The following SDK1 variants were observed in gnomAD, a reference collection of about 807,000 sequenced individuals.
The protein encoded by SDK1 is sidekick cell adhesion molecule 1.
In SDK1, 157 loss-of-function variants were observed where a neutral mutation model predicts 245.5. The observed-to-expected ratio is 0.64, with a 90% CI of 0.56 to 0.73. The LOEUF (loss-of-function observed/expected upper bound fraction) is 0.73, where lower values mean the gene tolerates loss of function less well. SDK1 is among the 30% of genes least tolerant of loss of function. The probability of loss-of-function intolerance (pLI) is 0.00; values close to 1 mark genes in which losing one functional copy is unlikely to be tolerated. For synonymous variants in SDK1, 1,647 were observed against 1,278.5 expected, an observed-to-expected ratio of 1.29 and a Z score of -6.15; for missense variants, 3,583 against 3,002.3, an observed-to-expected ratio of 1.19 and a Z score of -4.52.
chr7:3,601,760 T>G (rs906983663), intron 1 of SDK1, among the ~76,000 whole-genome samples: 9 of 151,886 alleles, frequency 5.9e-5, no homozygotes, highest in Admixed American at 1.3e-4. Context: ...ATGTGCCATG[T>G]TGGTGTGCTG....
chr7:3,805,269 G>C (rs1779213516), intron 4 of SDK1, among the ~76,000 whole-genome samples: 1 of 152,212 alleles, frequency 6.6e-6, no homozygotes, highest in African/African-American at 2.4e-5. Context: ...GAGTGTTGTT[G>C]TTACTGTTGC....
chr7:3,627,045 A>T (rs995115489), intron 2 of SDK1, among the ~76,000 whole-genome samples: 1 of 151,852 alleles, frequency 6.6e-6, no homozygotes, highest in Non-Finnish European at 1.5e-5. Context: ...CTCCCACCTC[A>T]GCTTCCCACG....
chr7:3,550,322 G>T (rs1017431030), intron 1 of SDK1, among the ~76,000 whole-genome samples: 2 of 152,008 alleles, frequency 1.3e-5, no homozygotes, highest in Non-Finnish European at 2.9e-5. Flanking sequence ...AGTCATTTGC[G>T]TTTTCTTCCC....
chr7:3,674,724 C>T (rs1460344996), intron 4 of SDK1, among the ~76,000 whole-genome samples: 1 of 152,100 alleles, frequency 6.6e-6, no homozygotes. Context: ...GTAGCTTTTT[C>T]CAATTTTCAT....
At chr7:3,359,451 C>T (rs1780894050) in intron 1 of SDK1, among the ~76,000 whole-genome samples, 1 of 152,186 alleles carries the variant, frequency 6.6e-6, no homozygotes, top group Non-Finnish European at 1.5e-5. Context: ...AAGTTAGGAA[C>T]TGTACTAGCA....
chr7:3,410,375 C>A (rs1779167180), intron 1 of SDK1, among the ~76,000 whole-genome samples: 1 of 152,006 alleles, frequency 6.6e-6, no homozygotes, highest in Non-Finnish European at 1.5e-5. Flanking sequence ...AGACCTGTGT[C>A]CCATCTTCAA....
intron 41 of SDK1, among the ~76,000 whole-genome samples, chr7:4,233,736 G>A (rs953242822): frequency 6.6e-6 from 1 of 152,138 alleles, no homozygotes; most frequent in Non-Finnish European, 1.5e-5. Flanking sequence ...GGTGGGGAGA[G>A]CAGTGCCAGT....
intron 38 of SDK1, among the ~76,000 whole-genome samples, chr7:4,218,626 G>A (rs1784969419): frequency 6.6e-6 from 1 of 152,156 alleles, no homozygotes; most frequent in South Asian, 2.1e-4. Flanking sequence ...TCCAGGTGCT[G>A]ACTAGCAGCG....
chr7:3,891,647 A>C (rs546154474), intron 5 of SDK1, among the ~76,000 whole-genome samples: 1 of 152,260 alleles, frequency 6.6e-6, no homozygotes, highest in African/African-American at 2.4e-5. Flanking sequence ...CATGCTTCCA[A>C]CAGGCCAAAT....
chr7:4,103,007 CTTT>C (rs1202665145), intron 22 of SDK1, among the ~76,000 whole-genome samples: 1 of 135,202 alleles, frequency 7.4e-6, no homozygotes, highest in Admixed American at 7.3e-5. Flanking sequence ...CCCCACAGAG[CTTT>C]TTTTTTTGGA....
intron 4 of SDK1, among the ~76,000 whole-genome samples, chr7:3,725,553 A>C (rs1778982584): frequency 1.3e-5 from 2 of 152,172 alleles, no homozygotes; most frequent in African/African-American, 4.8e-5. Context: ...TTATTCCAGC[A>C]CCTTTAGCTC....
intron 1 of SDK1, among the ~76,000 whole-genome samples, chr7:3,508,662 G>C (rs1367819850): frequency 6.6e-6 from 1 of 152,088 alleles, no homozygotes; most frequent in Admixed American, 6.6e-5. Context: ...AATTTAGATA[G>C]CTCTAATTTC....
At chr7:4,165,220 G>A (rs561753212) in intron 32 of SDK1, among the ~76,000 whole-genome samples, 3 of 152,170 alleles carry the variant, frequency 2.0e-5, no homozygotes, top group South Asian at 2.1e-4. Context: ...TTAGCCGGGC[G>A]TGGTGATGGG....
At chr7:4,150,825 A>G (rs1003349995) in intron 30 of SDK1, among the ~76,000 whole-genome samples, 2 of 152,224 alleles carry the variant, frequency 1.3e-5, no homozygotes, top group Non-Finnish European at 2.9e-5. Context: ...CAAAACCCCC[A>G]TCCCTGGCTT....
intron 1 of SDK1, among the ~76,000 whole-genome samples, chr7:3,332,973 T>C (rs1266103772): frequency 6.6e-6 from 1 of 152,242 alleles, no homozygotes; most frequent in Admixed American, 6.5e-5. Flanking sequence ...CGAGCCTCTT[T>C]GTCCAGAAAA....
At position 4,237,801 on chromosome 7, in the gene SDK1, T is replaced by C. The variant is rs148476691; in HGVS notation, c.6130+17T>C. ...GCAGCACAGGTGCAGGTCCAGCCCC[T>C]TCCTCGCGTGTCCCACGATGCCACT... On this transcript the variant is annotated intron_variant, in intron 42 of 44. Coordinates refer to ENST00000404826, the MANE Select transcript of SDK1 (RefSeq NM_152744.4). 6 of 1,613,528 alleles carry C rather than the reference T, an allele frequency of 3.7e-6. No homozygotes were observed. The highest frequency in any genetic ancestry group is 1.7e-5 in the Admixed American group (1 of 59,940).
At chr7:3,911,137 G>T (rs538314244) in intron 5 of SDK1, among the ~76,000 whole-genome samples, 1 of 152,200 alleles carries the variant, frequency 6.6e-6, no homozygotes, top group African/African-American at 2.4e-5. Context: ...AAGTTGAAAG[G>T]ACACATAAAA....
chr7:4,194,409 C>CGT lies in SDK1; in HGVS notation c.5099-11470_5099-11469insGT, dbSNP rs1562416219. Among the ~76,000 whole-genome samples, 683 of 117,334 alleles carry CGT rather than the reference C, an allele frequency of 5.8e-3. 58 individuals are homozygous for CGT. The highest frequency in any genetic ancestry group is 0.045 in the Admixed American group (576 of 12,842). The allele number at this position is 117,334 out of a possible 152,430, so 77.0% of individuals were successfully genotyped here. ...ATACATGTATACATATATGTATGCACATATGTGTATACATGTATACGTATA... is the reference window on the plus strand; with the variant it reads ...ATACATGTATACATATATGTATGCACGTATATGTGTATACATGTATACGTATA... On this transcript the variant is annotated intron_variant, in intron 35 of 44. Transcript: ENST00000404826.
intron 1 of SDK1, among the ~76,000 whole-genome samples, chr7:3,603,579 T>G (rs1365169424): frequency 1.3e-5 from 2 of 152,172 alleles, no homozygotes; most frequent in African/African-American, 4.8e-5. Context: ...GAGGAGATTT[T>G]GGGCTGAGAC....
Sources: gnomAD v4.1 joint callset for allele counts (sites outside exome capture counted in the v4.1 genomes callset) on GRCh38, gnomAD v4.1.1 for gene constraint, MANE v1.5 for transcripts, NCBI Gene and HGNC (gene_info 2026-07-23, HGNC 2026-07-21) for gene names.